Variants in ERICH6B observed in about 807,000 individuals in gnomAD.
The protein encoded by ERICH6B is glutamate-rich protein 6B.
In ERICH6B, 69 loss-of-function variants were observed where a neutral mutation model predicts 80.0. The observed-to-expected ratio is 0.86, with a 90% CI of 0.71 to 1.05. The LOEUF is 1.05. Among genes scored for constraint, ERICH6B ranks in the 50% least tolerant of loss-of-function variants. ERICH6B has a pLI of 0.00. For synonymous variants in ERICH6B, 283 were observed against 291.9 expected, an observed-to-expected ratio of 0.97 and a Z score of 0.31; for missense variants, 754 against 796.1, an observed-to-expected ratio of 0.95 and a Z score of 0.64.
At position 45,590,643 on chromosome 13, in the gene ERICH6B, T is replaced by C. The variant is rs1287566556; in HGVS notation, c.686+6A>G. ...CACCTGATTTATCCCAAAAGAAAAC[T>C]GTTACCTTGCATCACGAAGAAGCAT... is the stretch of plus-strand genomic sequence containing the variant. On this transcript the variant is annotated splice_donor_region_variant and intron_variant, in intron 4 of 14. Transcript: ENST00000298738. 1.9e-6 allele frequency: 3 copies of C among 1,551,126 alleles called. No homozygotes were observed. The South Asian group carries it at 3.6e-5, about 19-fold the overall frequency.
At position 45,561,613 on chromosome 13, in the gene ERICH6B, A is replaced by AG. The variant is rs1273568647; in HGVS notation, c.1250-88dup. On this transcript the variant is annotated intron_variant, in intron 10 of 14. Coordinates refer to ENST00000298738, the MANE Select transcript of ERICH6B (RefSeq NM_182542.3). The stretch of plus-strand genomic sequence containing the variant: ...AGATCTGTCTCTCTCAAGGTGCCAA[A>AG]GGGAGTTTGAGGGTTTGGGAGATCT... The AG allele has an allele frequency of 5.3e-5, 76 of 1,426,758 alleles. 2 individuals are homozygous for AG. The Middle Eastern group carries it at 9.1e-4, about 17-fold the overall frequency. 88.4% of individuals were successfully genotyped at this position (1,426,758 alleles called of 1,614,324 possible).
chr13:45,577,100 C>G (rs1875437419), intron 7 of ERICH6B, among the ~76,000 whole-genome samples: 1 of 151,906 alleles, frequency 6.6e-6, no homozygotes, highest in Non-Finnish European at 1.5e-5. Flanking sequence ...ACCTGGGCCA[C>G]TTCCGGCATG....
Position 45,568,316 on chromosome 13 carries a change from T to A in ERICH6B, c.1186A>T (p.Met396Leu). 1 of 1,541,306 alleles carries A rather than the reference T, an allele frequency of 6.5e-7. No individual in the cohort carries two copies. Among genetic ancestry groups the A allele is most frequent in the Non-Finnish European group, 8.7e-7 (1 of 1,143,286 alleles). ...CACTTGGCCTCACCAGTTACTTACA[T>A]AATTACCAGTTTCCATCTGTTTTCA... is the stretch of plus-strand genomic sequence containing the variant. Reference protein sequence around the residue: ...ESENRWKLVIMLKKNYEKFKE... With the variant: ...ESENRWKLVILLKKNYEKFKE... The change falls in exon 9 of 15, where the codon ATG becomes TTG. Residue 396 changes from methionine to leucine, a missense_variant and splice_region_variant. Coordinates refer to ENST00000298738, the MANE Select transcript of ERICH6B (RefSeq NM_182542.3).
chr13:45,583,734 G>A (rs550839446), intron 5 of ERICH6B, among the ~76,000 whole-genome samples: 15 of 152,242 alleles, frequency 9.9e-5, no homozygotes, highest in Non-Finnish European at 1.8e-4. Flanking sequence ...AACTTCTTTC[G>A]TTTGGTTCTC....
Position 45,578,155 on chromosome 13 carries a change from G to A in ERICH6B, c.961+1778C>T, listed in dbSNP as rs142423631. ...TATCTGATCTCCCTCGATATCTAATGAGGTTCTTCATCCTCCACCACCACC... is the reference window on the plus strand; with the variant it reads ...TATCTGATCTCCCTCGATATCTAATAAGGTTCTTCATCCTCCACCACCACC... On this transcript the variant is annotated intron_variant, in intron 7 of 14. Coordinates refer to ENST00000298738, the MANE Select transcript of ERICH6B (RefSeq NM_182542.3). Among the ~76,000 whole-genome samples, 1,177 of 152,268 alleles carry A rather than the reference G, an allele frequency of 7.7e-3. 15 individuals carry two copies. Among genetic ancestry groups the A allele is most frequent in the African/African-American group, 0.026 (1,096 of 41,546 alleles).
intron 2 of ERICH6B, among the ~76,000 whole-genome samples, chr13:45,601,634 C>T (rs529366970): frequency 4.6e-5 from 7 of 152,130 alleles, no homozygotes; most frequent in African/African-American, 7.2e-5. Flanking sequence ...GCCATCATTC[C>T]GGGTGACGGG....
At chr13:45,569,962 G>A (rs989893724) in intron 8 of ERICH6B, among the ~76,000 whole-genome samples, 2 of 152,164 alleles carry the variant, frequency 1.3e-5, no homozygotes, top group African/African-American at 4.8e-5. Flanking sequence ...CTAGGCCAAT[G>A]ATCTATCCCC....
chr13:45,590,556 T>C (rs2138014607), intron 4 of ERICH6B, 93 bp downstream of exon 4: 1 of 1,243,568 alleles, frequency 8.0e-7, no homozygotes, highest in South Asian at 1.4e-5. Flanking sequence ...CCCTACTCCA[T>C]GCCACTCCCT....
intron 4 of ERICH6B, among the ~76,000 whole-genome samples, chr13:45,588,675 A>T (rs563855368): frequency 6.6e-6 from 1 of 152,218 alleles, no homozygotes; most frequent in Non-Finnish European, 1.5e-5. Context: ...GTCTCACAAT[A>T]TTGGCCTCTC....
At chr13:45,564,315 AGT>A in intron 9 of ERICH6B, among the ~76,000 whole-genome samples, 1 of 152,330 alleles carries the variant, frequency 6.6e-6, no homozygotes, top group Non-Finnish European at 1.5e-5. Context: ...TAACACACAG[AGT>A]GAGTCATCCT....
intron 4 of ERICH6B, among the ~76,000 whole-genome samples, chr13:45,588,360 A>C (rs1165607671): frequency 1.3e-5 from 2 of 152,170 alleles, no homozygotes; most frequent in Non-Finnish European, 2.9e-5. Context: ...CTAAGTTCTT[A>C]GGATACACCA....
chr13:45,542,915 C>T (rs76191575), intron 14 of ERICH6B, among the ~76,000 whole-genome samples: 4,490 of 152,292 alleles, frequency 0.029, 200 homozygotes, highest in African/African-American at 0.096. Context: ...AGCAAACCGA[C>T]GTGTCTGGCC....
chr13:45,597,290 A>G (rs1214372383), intron 2 of ERICH6B, among the ~76,000 whole-genome samples: 1 of 152,194 alleles, frequency 6.6e-6, no homozygotes, highest in Non-Finnish European at 1.5e-5. Context: ...CTTTGAAATT[A>G]TTGCACAATA....
At chr13:45,572,646 C>T (rs1293085392) in intron 8 of ERICH6B, among the ~76,000 whole-genome samples, 1 of 151,888 alleles carries the variant, frequency 6.6e-6, no homozygotes, top group African/African-American at 2.4e-5. Flanking sequence ...AAAAAATGAC[C>T]CTGTCATGGA....
At chr13:45,578,259 G>T (rs922205226) in intron 7 of ERICH6B, among the ~76,000 whole-genome samples, 3 of 152,132 alleles carry the variant, frequency 2.0e-5, no homozygotes, top group African/African-American at 7.2e-5. Context: ...CCATGCCCCT[G>T]ATGTTTCCTC....
intron 14 of ERICH6B, among the ~76,000 whole-genome samples, chr13:45,544,223 C>T (rs895636401): frequency 6.6e-6 from 1 of 152,142 alleles, no homozygotes; most frequent in African/African-American, 2.4e-5. Context: ...AAGGCGTGAG[C>T]CACTGGGATC....
rs138539362 is a variant in ERICH6B, at chr13:45,603,415, C to T, written c.-59+4149G>A. ...AGTCGCTGGCTTTGAAGATGTGGGG[C>T]GGACCCCTCACTTCCCTGTGATAGC... On this transcript the variant is annotated intron_variant, in intron 2 of 14. Coordinates refer to ENST00000298738, the MANE Select transcript of ERICH6B (RefSeq NM_182542.3). 4.2e-3 allele frequency among the ~76,000 whole-genome samples: 645 copies of T among 152,306 alleles called. 2 individuals are homozygous for T. The highest frequency in any genetic ancestry group is 0.014 in the Middle Eastern group (4 of 294).
chr13:45,598,274 A>G (rs1021370460), intron 2 of ERICH6B, among the ~76,000 whole-genome samples: 21 of 152,168 alleles, frequency 1.4e-4, no homozygotes, highest in African/African-American at 2.9e-4. Context: ...TCCCCACCGT[A>G]TCTCTGATGG....
At chr13:45,607,863 A>G (rs1388766463) in intron 1 of ERICH6B, among the ~76,000 whole-genome samples, 1 of 152,190 alleles carries the variant, frequency 6.6e-6, no homozygotes, top group Non-Finnish European at 1.5e-5. Flanking sequence ...CCTGAATGGC[A>G]TCACCAATCT....
Sources: allele counts gnomAD v4.1 joint callset (sites outside exome capture counted in the v4.1 genomes callset), GRCh38; gene constraint gnomAD v4.1.1; transcripts MANE v1.5; gene names NCBI Gene and HGNC (gene_info 2026-07-23, HGNC 2026-07-21).